The following RHBDD1 variants were observed in gnomAD, a reference collection of about 807,000 sequenced individuals.
The protein encoded by RHBDD1 is rhomboid domain containing 1.
RHBDD1 carries 38 observed loss-of-function variants against 36.3 expected under a neutral mutation model. The observed-to-expected ratio is 1.05, with a 90% CI of 0.81 to 1.37. The LOEUF (loss-of-function observed/expected upper bound fraction) is 1.37. Ranked by LOEUF, RHBDD1 falls within the 40% of genes most tolerant of loss-of-function variation. The probability of loss-of-function intolerance (pLI) is 0.00; values close to 1 mark genes in which losing one functional copy is unlikely to be tolerated. For synonymous variants in RHBDD1, 151 were observed against 136.5 expected (o/e 1.11, Z -0.74); for missense variants, 393 against 377.6 (o/e 1.04, Z -0.34).
At chr2:226,802,792 G>A in the RHBDD1 span, among the ~76,000 whole-genome samples, 1 of 152,188 alleles carries the variant, frequency 6.6e-6, no homozygotes, top group Non-Finnish European at 1.5e-5. Context: ...CATTGCAACA[G>A]CTACGTTGAT....
intron 8 of RHBDD1, 111 bp downstream of exon 8, chr2:226,914,462 A>G: frequency 8.0e-7 from 1 of 1,251,400 alleles, no homozygotes; most frequent in Non-Finnish European, 1.1e-6. Context: ...GAAAAAGGAT[A>G]TGTAGATGAA....
chr2:226,977,585 C>G (rs1320728696), intron 8 of RHBDD1, among the ~76,000 whole-genome samples: 2 of 152,118 alleles, frequency 1.3e-5, no homozygotes, highest in East Asian at 3.9e-4. Flanking sequence ...CCATCCTGGC[C>G]CTGTAGCATA....
chr2:226,891,691 C>G (rs1447055808), intron 5 of RHBDD1, among the ~76,000 whole-genome samples: 2 of 152,208 alleles, frequency 1.3e-5, no homozygotes, highest in African/African-American at 4.8e-5. Context: ...GTATAAGTAT[C>G]TGTACCCAAC....
At chr2:226,955,999 AT>A (rs1951764171) in intron 8 of RHBDD1, among the ~76,000 whole-genome samples, 3 of 152,324 alleles carry the variant, frequency 2.0e-5, no homozygotes. Flanking sequence ...CTTTACTTGG[AT>A]TCATATATTG....
chr2:226,868,198 C>T (rs1480519405), intron 5 of RHBDD1, among the ~76,000 whole-genome samples: 1 of 152,200 alleles, frequency 6.6e-6, no homozygotes, highest in Non-Finnish European at 1.5e-5. Flanking sequence ...TCAGAGGAGG[C>T]ACCTCCACAA....
chr2:226,930,605 CA>C (rs1178174093), intron 8 of RHBDD1, among the ~76,000 whole-genome samples: 5 of 151,866 alleles, frequency 3.3e-5, no homozygotes, highest in African/African-American at 1.2e-4. Context: ...ACTAAGACCC[CA>C]AAAGCAAATG....
rs1948251085 is a variant in RHBDD1 at position 226,908,608 on chromosome 2, C to T, written c.656-214C>T. On this transcript the variant is annotated intron_variant, in intron 6 of 8. Coordinates refer to ENST00000392062, the MANE Select transcript of RHBDD1 (RefSeq NM_001167608.3). Reference sequence around the variant, plus strand: ...ACACACACACACACACACACACACACACACACACACACATTCTTTTCCCTG... The same window carrying T: ...ACACACACACACACACACACACACATACACACACACACATTCTTTTCCCTG... 1.3e-5 allele frequency: 7 copies of T among 554,816 alleles called. No homozygotes were observed. In the South Asian group the frequency reaches 1.4e-4, roughly 11 times the overall value. The allele number at this position is 554,816 out of a possible 1,614,324, so 34.4% of individuals were successfully genotyped here. A position where few individuals can be genotyped will look rare whatever the true frequency, so the allele number is the denominator to read the frequency against.
At chr2:226,987,236 A>G (rs780388496) in intron 8 of RHBDD1, among the ~76,000 whole-genome samples, 6 of 152,196 alleles carry the variant, frequency 3.9e-5, no homozygotes, top group African/African-American at 9.6e-5. Flanking sequence ...TCTGGGGCTT[A>G]TAACGAGATG....
the RHBDD1 span, among the ~76,000 whole-genome samples, chr2:226,801,174 C>G: frequency 6.6e-6 from 1 of 152,248 alleles, no homozygotes; most frequent in African/African-American, 2.4e-5. Flanking sequence ...ACTCAGCAGT[C>G]GAGGCGCTGG....
intron 8 of RHBDD1, among the ~76,000 whole-genome samples, chr2:226,978,176 C>T (rs137913757): frequency 4.1e-4 from 63 of 152,284 alleles, no homozygotes; most frequent in African/African-American, 1.4e-3. Flanking sequence ...AATTCTAGAA[C>T]GCTGTTACAC....
the RHBDD1 span, among the ~76,000 whole-genome samples, chr2:226,812,699 A>G: frequency 6.6e-6 from 1 of 152,102 alleles, no homozygotes; most frequent in Non-Finnish European, 1.5e-5. Flanking sequence ...AAAATTCTAG[A>G]ATGGCAAACA....
chr2:226,855,214 C>T (rs1943203911), intron 3 of RHBDD1, among the ~76,000 whole-genome samples: 2 of 152,222 alleles, frequency 1.3e-5, no homozygotes, highest in East Asian at 1.9e-4. Context: ...GTCTTAAGAA[C>T]TCTAGGTTTG....
intron 8 of RHBDD1, among the ~76,000 whole-genome samples, chr2:226,978,710 A>T (rs1955036733): frequency 6.6e-6 from 1 of 152,182 alleles, no homozygotes. Flanking sequence ...GTAATCACTA[A>T]CCATGGCATC....
chr2:226,974,269 G>A (rs1177299425), intron 8 of RHBDD1, among the ~76,000 whole-genome samples: 3 of 134,104 alleles, frequency 2.2e-5, no homozygotes, highest in Admixed American at 7.7e-5. Flanking sequence ...ACAGAGTCTC[G>A]CTCTGTCGCC....
chr2:226,848,503 C>T (rs1429037033), intron 3 of RHBDD1, among the ~76,000 whole-genome samples: 1 of 152,070 alleles, frequency 6.6e-6, no homozygotes, highest in Non-Finnish European at 1.5e-5. Flanking sequence ...GTCATTGTCA[C>T]AATAAGAAAA....
intron 8 of RHBDD1, among the ~76,000 whole-genome samples, chr2:226,992,854 C>CA (rs1958566470): frequency 6.6e-6 from 1 of 152,182 alleles, no homozygotes; most frequent in African/African-American, 2.4e-5. Flanking sequence ...CATGCTAGCT[C>CA]AGTGACCTCA....
intron 4 of RHBDD1, 55 bp downstream of exon 4, chr2:226,865,181 G>C (rs747306407): frequency 7.4e-7 from 1 of 1,343,758 alleles, no homozygotes; most frequent in African/African-American, 1.5e-5. Context: ...GGGAGGTGTG[G>C]CTGCTGTCAT....
At position 226,864,661 on chromosome 2, in the gene RHBDD1, C is replaced by A; in HGVS notation, c.-33C>A. On this transcript the variant is annotated 5_prime_UTR_variant, in exon 4 of 9. Coordinates refer to ENST00000392062, the MANE Select transcript of RHBDD1 (RefSeq NM_001167608.3). ...GAAACTGACCACCTGAGTACGTTTT[C>A]CCATTGCTGAGCTGTTTCCCTGATA... 6.3e-7 allele frequency: 1 copy of A among 1,581,280 alleles called. No homozygotes were observed. Among genetic ancestry groups the A allele is most frequent in the South Asian group, 1.1e-5 (1 of 87,138 alleles).
chr2:226,894,195 C>T (rs1946907381), intron 5 of RHBDD1, among the ~76,000 whole-genome samples: 1 of 152,196 alleles, frequency 6.6e-6, no homozygotes. Flanking sequence ...GAGGATTCCA[C>T]ACAGAGGTGC....
Sources: allele counts gnomAD v4.1 joint callset (sites outside exome capture counted in the v4.1 genomes callset), GRCh38; gene constraint gnomAD v4.1.1; transcripts MANE v1.5; gene names NCBI Gene and HGNC (gene_info 2026-07-23, HGNC 2026-07-21).